PIEZO2: variants seen among roughly 807,000 people sequenced by gnomAD.
PIEZO2 encodes the protein piezo-type mechanosensitive ion channel component 2.
In PIEZO2, 172 loss-of-function variants were observed where a neutral mutation model predicts 337.3. The ratio of observed to expected loss-of-function variants is 0.51; its 90% confidence interval spans 0.45 to 0.58. The LOEUF is 0.58. Ranked by LOEUF, PIEZO2 falls within the 20% of genes least tolerant of loss-of-function variation. The probability of loss-of-function intolerance (pLI) is 0.00; values close to 1 mark genes in which losing one functional copy is unlikely to be tolerated. For missense variants in PIEZO2, 3,028 were observed against 3,391.3 expected (o/e 0.89, Z 2.66); for synonymous variants, 1,251 against 1,228.5 (o/e 1.02, Z -0.38).
chr18:10,811,350 C>T (rs2040183666), intron 7 of PIEZO2, among the ~76,000 whole-genome samples: 1 of 152,120 alleles, frequency 6.6e-6, no homozygotes, highest in Non-Finnish European at 1.5e-5. Flanking sequence ...TTTATTCTAA[C>T]GCCTTCCAAA....
intron 33 of PIEZO2, chr18:10,738,927 C>T (rs772230561): frequency 5.9e-5 from 9 of 152,194 alleles, no homozygotes; most frequent in Non-Finnish European, 1.2e-4. Flanking sequence ...AAAATCTTCA[C>T]TGCTTACTAA....
chr18:10,764,440 G>C (rs190201204), intron 21 of PIEZO2, among the ~76,000 whole-genome samples: 54 of 152,226 alleles, frequency 3.5e-4, no homozygotes, highest in African/African-American at 1.2e-3. Flanking sequence ...AGGAGTTCAA[G>C]ACCGGCCCGG....
Position 10,854,581 on chromosome 18 carries a change from A to T in PIEZO2, c.917+772T>A, listed in dbSNP as rs938041725. 1.3e-5 allele frequency among the ~76,000 whole-genome samples: 2 copies of T among 152,226 alleles called. No homozygotes were observed. The highest frequency in any genetic ancestry group is 4.8e-5 in the African/African-American group (2 of 41,460). On this transcript the variant is annotated intron_variant, in intron 7 of 55. Coordinates refer to ENST00000674853, the MANE Select transcript of PIEZO2 (RefSeq NM_001378183.1). This position sits in a 1 kb window ranked among gnomAD's most constrained non-coding sequence, Gnocchi z 4.6. ...TATTAAAAGTCAAAGTAAATGCTAG[A>T]TTCTTTACCTTTAATTCTCATTTTC...
intron 30 of PIEZO2, among the ~76,000 whole-genome samples, chr18:10,745,370 C>G (rs1031996955): frequency 1.3e-5 from 2 of 152,142 alleles, no homozygotes; most frequent in Admixed American, 1.3e-4. Context: ...AAAAAGAAAA[C>G]CGACACACGA....
chr18:10,874,078 G>A (rs2042206563), intron 4 of PIEZO2, among the ~76,000 whole-genome samples: 1 of 152,042 alleles, frequency 6.6e-6, no homozygotes, highest in Admixed American at 6.5e-5. Flanking sequence ...CAGCTGAAAG[G>A]AATTAATAAT....
Position 11,027,418 on chromosome 18 carries a change from T to C in PIEZO2, c.160+38709A>G, listed in dbSNP as rs1242980405. On this transcript the variant is annotated intron_variant, in intron 2 of 55. Coordinates refer to ENST00000674853, the MANE Select transcript of PIEZO2 (RefSeq NM_001378183.1). This position sits in a 1 kb window ranked among gnomAD's most constrained non-coding sequence, Gnocchi z 4.2. ...GGGGCACGCTGAGGTGCGCTAGGAATAAGGTACAAGAGGTTAAAAAGAAAG... is the reference window on the plus strand; with the variant it reads ...GGGGCACGCTGAGGTGCGCTAGGAACAAGGTACAAGAGGTTAAAAAGAAAG... 1.3e-5 allele frequency among the ~76,000 whole-genome samples: 2 copies of C among 152,130 alleles called. No homozygotes were observed. Among genetic ancestry groups the C allele is most frequent in the Non-Finnish European group, 2.9e-5 (2 of 68,030 alleles).
chr18:10,871,276 G>C lies in PIEZO2; in HGVS notation c.469C>G (p.Pro157Ala). Residue 157 changes from proline (P) to alanine (A), a missense_variant, in exon 5 of 56, where the codon CCG becomes GCG. Pro to Ala is a conservative substitution (Grantham distance 27). Coordinates refer to ENST00000674853, the MANE Select transcript of PIEZO2 (RefSeq NM_001378183.1). ...PVTDEAAQSN[P>A]EFENEELAEG... ...ACCAATTCTTCATTTTCAAACTCCG[G>C]GTTACTCTGTGCTGCTTCGTCTGTC... 6.5e-7 allele frequency: 1 copy of C among 1,536,860 alleles called. No individual in the cohort carries two copies. Among genetic ancestry groups the C allele is most frequent in the Non-Finnish European group, 8.7e-7 (1 of 1,146,774 alleles).
rs6505602 is a variant in PIEZO2, at chr18:10,859,518, C to T, written c.493-2307G>A. ...CTCAGGACACCAGGGAGAGAACAGC[C>T]CAGCCATCCTGGCTCTCTCTCCTGC... On this transcript the variant is annotated intron_variant, in intron 5 of 55. Transcript: ENST00000674853. This position sits in a 1 kb window ranked among gnomAD's most constrained non-coding sequence, Gnocchi z 4.9. Among the ~76,000 whole-genome samples, 10,835 of 152,258 alleles carry T rather than the reference C, an allele frequency of 0.071. 1,298 individuals are homozygous for T. Among genetic ancestry groups the T allele is most frequent in the African/African-American group, 0.25 (10,230 of 41,524 alleles).
intron 2 of PIEZO2, among the ~76,000 whole-genome samples, chr18:11,005,548 G>C (rs914003950): frequency 6.6e-6 from 1 of 152,194 alleles, no homozygotes; most frequent in African/African-American, 2.4e-5. Flanking sequence ...ACACCTGAGA[G>C]GGTGCTCATA....
intron 35 of PIEZO2, among the ~76,000 whole-genome samples, chr18:10,732,949 ATTGC>A (rs1353507950): frequency 6.6e-6 from 1 of 152,238 alleles, no homozygotes; most frequent in Non-Finnish European, 1.5e-5. Context: ...TTATCACAAT[ATTGC>A]TTTTAGATGA....
rs886841187 is a variant in PIEZO2, at chr18:10,848,143, C to T, written c.917+7210G>A. On this transcript the variant is annotated intron_variant, in intron 7 of 55. Coordinates refer to ENST00000674853, the MANE Select transcript of PIEZO2 (RefSeq NM_001378183.1). ...CATTTCAATAACCGGATTATGTAGC[C>T]GCTTGCAAAGCAAGACCGCGGCAGA... 4.6e-5 allele frequency among the ~76,000 whole-genome samples: 7 copies of T among 152,286 alleles called. No individual in the cohort carries two copies. The East Asian group carries it at 1.2e-3, about 25-fold the overall frequency.
Position 10,998,447 on chromosome 18 carries a change from T to A in PIEZO2, c.161-18787A>T, listed in dbSNP as rs568839230. 7.6e-4 allele frequency among the ~76,000 whole-genome samples: 115 copies of A among 152,220 alleles called. 4 individuals carry two copies. The South Asian group carries it at 0.023, about 31-fold the overall frequency. On this transcript the variant is annotated intron_variant, in intron 2 of 55. Coordinates refer to ENST00000674853, the MANE Select transcript of PIEZO2 (RefSeq NM_001378183.1). ...AGAAAAAAATCTCTCTTTTTTGGATTTGGAAATACTTGGTGTGTACAGAAA... is the reference window on the plus strand; with the variant it reads ...AGAAAAAAATCTCTCTTTTTTGGATATGGAAATACTTGGTGTGTACAGAAA...
intron 1 of PIEZO2, 74 bp from the exon 2 acceptor site, chr18:11,066,296 C>T (rs2038148037): frequency 7.0e-6 from 8 of 1,142,830 alleles, no homozygotes; most frequent in African/African-American, 1.5e-5. Context: ...GGGTGCATAA[C>T]AAAAGATGGT....
At position 11,048,343 on chromosome 18, in the gene PIEZO2, G is replaced by A. The variant is rs146156299; in HGVS notation, c.160+17784C>T. Among the ~76,000 whole-genome samples the A allele has an allele frequency of 4.7e-3, 720 of 152,304 alleles. 7 individuals are homozygous for A. The highest frequency in any genetic ancestry group is 0.014 in the African/African-American group (599 of 41,548). ...TCTTACGGTTACTCATGGCTCTGGG[G>A]CCAAGCGGACTGCCTGGCCCATTTC... On this transcript the variant is annotated intron_variant, in intron 2 of 55. Transcript: ENST00000674853. This position sits in a 1 kb window ranked among gnomAD's most constrained non-coding sequence, Gnocchi z 4.5.
chr18:11,100,810 T>C (rs1394042474), intron 1 of PIEZO2, among the ~76,000 whole-genome samples: 3 of 152,174 alleles, frequency 2.0e-5, no homozygotes, highest in Non-Finnish European at 4.4e-5. Context: ...TTAGCCAGGA[T>C]GGTCTCGATC....
At chr18:10,717,180 A>T (rs1327355752) in intron 37 of PIEZO2, among the ~76,000 whole-genome samples, 11 of 152,236 alleles carry the variant, frequency 7.2e-5, no homozygotes, top group Non-Finnish European at 5.9e-5. Flanking sequence ...GAGAGAGTTA[A>T]ACAAGTTAAT....
In PIEZO2 at chr18:11,129,884, A is replaced by G. The variant is rs2040291051; in HGVS notation, c.64+18641T>C. On this transcript the variant is annotated intron_variant, in intron 1 of 55. Coordinates refer to ENST00000674853, the MANE Select transcript of PIEZO2 (RefSeq NM_001378183.1). This position sits in a 1 kb window ranked among gnomAD's most constrained non-coding sequence, Gnocchi z 4.6. ...TGGAGTTTTAGCTCAGGGCTGACTT[A>G]CAGTGGATCCAGTGGGTCCCCAGCC... Among the ~76,000 whole-genome samples, 1 of 152,170 alleles carries G rather than the reference A, an allele frequency of 6.6e-6. No homozygotes were observed. The highest frequency in any genetic ancestry group is 2.1e-4 in the South Asian group (1 of 4,822).
chr18:10,911,904 A>G (rs1390293163), intron 3 of PIEZO2, among the ~76,000 whole-genome samples: 1 of 152,112 alleles, frequency 6.6e-6, no homozygotes, highest in Non-Finnish European at 1.5e-5. Context: ...ATATGGTGGA[A>G]CTCTCCTGTT....
chr18:10,853,848 A>AAG lies in PIEZO2; in HGVS notation c.917+1504_917+1505insCT, dbSNP rs2041624728. Among the ~76,000 whole-genome samples the AAG allele has an allele frequency of 6.6e-6, 1 of 152,232 alleles. No individual in the cohort carries two copies. Among genetic ancestry groups the AAG allele is most frequent in the Non-Finnish European group, 1.5e-5 (1 of 68,030 alleles). ...AATGGCATTTTTCTGTCTACCCACAAAACCATCATACACCTAAGAAATCAG... is the reference window on the plus strand; with the variant it reads ...AATGGCATTTTTCTGTCTACCCACAAAGAACCATCATACACCTAAGAAATCAG... On this transcript the variant is annotated intron_variant, in intron 7 of 55. Coordinates refer to ENST00000674853, the MANE Select transcript of PIEZO2 (RefSeq NM_001378183.1). The surrounding 1 kb of genome is among the most constrained non-coding windows in gnomAD (Gnocchi z 4.2).
Sources: allele counts gnomAD v4.1 joint callset (sites outside exome capture counted in the v4.1 genomes callset), GRCh38; gene constraint gnomAD v4.1.1; non-coding constraint Gnocchi (gnomAD v3.1); transcripts MANE v1.5; gene names NCBI Gene and HGNC (gene_info 2026-07-23, HGNC 2026-07-21).